MAMLD1: variants seen among roughly 807,000 people sequenced by gnomAD.
MAMLD1 encodes the protein mastermind like domain containing 1, also known as mastermind-like domain-containing protein 1.
In MAMLD1, 14 loss-of-function variants were observed where a neutral mutation model predicts 45.0. That is an observed-to-expected ratio of 0.31 (90% CI 0.21 to 0.49). The LOEUF (loss-of-function observed/expected upper bound fraction) is 0.49. Ranked by LOEUF, MAMLD1 falls within the 20% of genes least tolerant of loss-of-function variation. The pLI is 0.99. For synonymous variants in MAMLD1, 254 were observed against 247.8 expected (o/e 1.02, Z -0.24); for missense variants, 543 against 603.6 (o/e 0.90, Z 1.05).
chrX:150,439,792 G>A (rs974235015), intron 1 of MAMLD1, among the ~76,000 whole-genome samples: 3 of 111,043 alleles, frequency 2.7e-5, no homozygotes, highest in African/African-American at 6.6e-5. Flanking sequence ...AAAATTAGCC[G>A]GGCATGGTGT....
chrX:150,363,131 G>A (rs1557400557), upstream of MAMLD1, among the ~76,000 whole-genome samples: 1 of 112,856 alleles, frequency 8.9e-6, no homozygotes, highest in Admixed American at 9.2e-5. Context: ...GCAGGGCAGC[G>A]CGGCTTCCCC....
chrX:150,367,594 A>G (rs1557400805), intron 1 of MAMLD1, among the ~76,000 whole-genome samples: 3 of 111,992 alleles, frequency 2.7e-5, no homozygotes, highest in Non-Finnish European at 1.9e-5. Flanking sequence ...GTTCTAGGGT[A>G]CATGTGCACA....
chrX:150,466,372 A>C lies in MAMLD1; in HGVS notation c.172-3373A>C, dbSNP rs1044038831. Among the ~76,000 whole-genome samples, 6 of 112,170 alleles carry C rather than the reference A, an allele frequency of 5.3e-5. No homozygotes were observed. In the South Asian group the frequency reaches 1.5e-3, roughly 28 times the overall value. On this transcript the variant is annotated intron_variant, in intron 3 of 7. Coordinates refer to ENST00000370401, the MANE Select transcript of MAMLD1 (RefSeq NM_005491.5). ...GAAAGCTCATTCCATGAAATCCAAA[A>C]CATGGAGCTGCATGGCCTCTGACAA...
chrX:150,463,801 G>C (rs1355523692), intron 3 of MAMLD1, among the ~76,000 whole-genome samples: 1 of 110,833 alleles, frequency 9.0e-6, no homozygotes, highest in Admixed American at 9.6e-5. Flanking sequence ...CAGGAGGCAG[G>C]AGTTTCCAGG....
intron 1 of MAMLD1, among the ~76,000 whole-genome samples, chrX:150,398,379 A>AAGAG (rs2033611030): frequency 7.8e-5 from 8 of 101,957 alleles, no homozygotes; most frequent in African/African-American, 1.8e-4. Context: ...AAGAGGAAGA[A>AAGAG]GAAGAGGAAG....
intron 1 of MAMLD1, among the ~76,000 whole-genome samples, chrX:150,387,125 C>T (rs782621692): frequency 9.0e-6 from 1 of 110,827 alleles, no homozygotes; most frequent in East Asian, 2.8e-4. Context: ...CAACTTGTAC[C>T]TGTGTTTAAT....
intron 5 of MAMLD1, among the ~76,000 whole-genome samples, chrX:150,474,813 A>G (rs1327742319): frequency 9.0e-6 from 1 of 111,655 alleles, no homozygotes; most frequent in Non-Finnish European, 1.9e-5. Flanking sequence ...TCTGTTCTCT[A>G]CCTGGTATTC....
chrX:150,456,167 G>A (rs371176481), intron 2 of MAMLD1, among the ~76,000 whole-genome samples: 5 of 110,485 alleles, frequency 4.5e-5, no homozygotes, highest in South Asian at 4.0e-4. Flanking sequence ...GGGTTCATTC[G>A]GGGAAGGCTG....
chrX:150,440,832 A>G (rs1012359942), intron 1 of MAMLD1, among the ~76,000 whole-genome samples: 2 of 105,175 alleles, frequency 1.9e-5, no homozygotes, highest in Non-Finnish European at 1.9e-5. Flanking sequence ...TCTCTTTAAT[A>G]TTATTATTAA....
chrX:150,364,739 C>T (rs782279371), intron 1 of MAMLD1, among the ~76,000 whole-genome samples: 1 of 113,127 alleles, frequency 8.8e-6, no homozygotes, highest in African/African-American at 3.2e-5. Flanking sequence ...TTACTAGAGG[C>T]GGCTGCGCTG....
chrX:150,478,570 G>T (rs1418164148), intron 5 of MAMLD1, among the ~76,000 whole-genome samples: 1 of 111,877 alleles, frequency 8.9e-6, no homozygotes, highest in Non-Finnish European at 1.9e-5. Context: ...TATTTCAAAG[G>T]TTAGTCCTGC....
At chrX:150,364,320 C>T (rs1382202637) in intron 1 of MAMLD1, among the ~76,000 whole-genome samples, 1 of 113,149 alleles carries the variant, frequency 8.8e-6, no homozygotes, top group Non-Finnish European at 1.9e-5. Flanking sequence ...GCAGTGTGTC[C>T]GAAGCCTCCT....
chrX:150,507,936 C>T (rs1447329095), intron 6 of MAMLD1, among the ~76,000 whole-genome samples: 2 of 112,445 alleles, frequency 1.8e-5, no homozygotes, highest in South Asian at 3.6e-4. Context: ...ATGCAGCAAC[C>T]GGTGGGGATG....
At chrX:150,484,116 T>C (rs1188203433) in intron 5 of MAMLD1, among the ~76,000 whole-genome samples, 1 of 112,354 alleles carries the variant, frequency 8.9e-6, no homozygotes, top group Non-Finnish European at 1.9e-5. Context: ...GTTCTCCTGG[T>C]AGGCTTAAAT....
intron 2 of MAMLD1, among the ~76,000 whole-genome samples, chrX:150,454,690 C>A (rs181232299): frequency 9.0e-6 from 1 of 111,090 alleles, no homozygotes; most frequent in Non-Finnish European, 1.9e-5. Context: ...ACTGTGGGAA[C>A]TCACCCTGAT....
At chrX:150,473,091 C>T (rs1162719079) in intron 4 of MAMLD1, among the ~76,000 whole-genome samples, 1 of 112,769 alleles carries the variant, frequency 8.9e-6, no homozygotes, top group Admixed American at 9.3e-5. Context: ...GGCCCTTCAG[C>T]ATCCATCAGG....
chrX:150,461,674 A>G (rs2036043153), intron 2 of MAMLD1, among the ~76,000 whole-genome samples: 1 of 111,617 alleles, frequency 9.0e-6, no homozygotes, highest in Non-Finnish European at 1.9e-5. Flanking sequence ...GAAGTGCTGC[A>G]TGGGACGGAG....
At chrX:150,379,402 A>G (rs2032490152) in intron 1 of MAMLD1, among the ~76,000 whole-genome samples, 1 of 112,024 alleles carries the variant, frequency 8.9e-6, no homozygotes, top group South Asian at 3.7e-4. Flanking sequence ...TTTTCGTAAG[A>G]GTGAATCCTT....
chrX:150,480,825 G>A (rs2036729836), intron 5 of MAMLD1, among the ~76,000 whole-genome samples: 1 of 111,813 alleles, frequency 8.9e-6, no homozygotes. Flanking sequence ...TGGCCTTCAG[G>A]GCCTGAAAGA....
Sources: gnomAD v4.1 joint callset for allele counts (sites outside exome capture counted in the v4.1 genomes callset) on GRCh38, gnomAD v4.1.1 for gene constraint, MANE v1.5 for transcripts, NCBI Gene and HGNC (gene_info 2026-07-23, HGNC 2026-07-21) for gene names.